The following VPS8 variants were observed in gnomAD, a reference collection of about 807,000 sequenced individuals.
VPS8 encodes the protein vacuolar protein sorting-associated protein 8 homolog.
In VPS8, 129 loss-of-function variants were observed where a neutral mutation model predicts 216.4. That is an observed-to-expected ratio of 0.60 (90% confidence interval 0.52 to 0.69). The LOEUF is 0.69. Among genes scored for constraint, VPS8 ranks in the 30% least tolerant of loss-of-function variants. VPS8 has a pLI of 0.00. For synonymous variants in VPS8, 571 were observed against 565.4 expected (o/e 1.01, Z -0.14); for missense variants, 1,531 against 1,683.5 (o/e 0.91, Z 1.59).
intron 46 of VPS8, among the ~76,000 whole-genome samples, chr3:185,028,621 G>T (rs1757705721): frequency 6.6e-6 from 1 of 152,202 alleles, no homozygotes; most frequent in South Asian, 2.1e-4. Context: ...TGTTAATGGA[G>T]TAAAGAGATT....
chr3:184,937,320 C>G (rs992088921), intron 35 of VPS8, among the ~76,000 whole-genome samples: 1 of 152,086 alleles, frequency 6.6e-6, no homozygotes, highest in East Asian at 1.9e-4. Flanking sequence ...CACCCAGAGT[C>G]CTCAAGTGAC....
intron 24 of VPS8, 31 bp downstream of exon 24, chr3:184,898,685 T>A: frequency 6.8e-7 from 1 of 1,474,298 alleles, no homozygotes; most frequent in Non-Finnish European, 9.1e-7. Flanking sequence ...GATACGTAAT[T>A]AATTTTGTCT....
At chr3:185,016,889 A>G (rs891579010) in intron 45 of VPS8, among the ~76,000 whole-genome samples, 6 of 152,124 alleles carry the variant, frequency 3.9e-5, no homozygotes, top group Non-Finnish European at 5.9e-5. Context: ...TCTGTTAACC[A>G]TTTTAAAGGT....
rs1491120220 is a variant in VPS8 at position 184,902,121 on chromosome 3, CCT to C, written c.2146+1150_2146+1151del. On this transcript the variant is annotated intron_variant, in intron 25 of 47. Transcript: ENST00000625842. Reference sequence around the variant, plus strand: ...TTGTTTAAATATTTAGCCCCCCCCCCCTTTTTTTTTTTTAATTGGTGGAGATG... The same window carrying C: ...TTGTTTAAATATTTAGCCCCCCCCCCTTTTTTTTTTTAATTGGTGGAGATG... Among the ~76,000 whole-genome samples the C allele has an allele frequency of 6.5e-4, 96 of 148,644 alleles. 1 individual carries two copies. The highest frequency in any genetic ancestry group is 2.1e-3 in the African/African-American group (86 of 40,452).
In VPS8 at chr3:184,901,712, A is replaced by G. The variant is rs1298270818; in HGVS notation, c.2146+740A>G. Among the ~76,000 whole-genome samples the G allele has an allele frequency of 2.0e-5, 3 of 152,270 alleles. 1 individual carries two copies. The highest frequency in any genetic ancestry group is 4.1e-4 in the South Asian group (2 of 4,822). ...GATATAGAAAACTTTCATTACCTCA[A>G]GTATCTCACCTTGTTCTCTTACCCT... On this transcript the variant is annotated intron_variant, in intron 25 of 47. Transcript: ENST00000625842.
intron 45 of VPS8, among the ~76,000 whole-genome samples, chr3:185,016,480 G>A (rs568320219): frequency 1.2e-4 from 19 of 152,328 alleles, no homozygotes; most frequent in Middle Eastern, 3.4e-3. Flanking sequence ...TGTTTAACAT[G>A]CCTTGTAGCA....
intron 46 of VPS8, among the ~76,000 whole-genome samples, chr3:185,027,998 TAAC>T (rs1757626836): frequency 1.3e-5 from 2 of 152,246 alleles, no homozygotes; most frequent in African/African-American, 4.8e-5. Flanking sequence ...CCATGGCGGT[TAAC>T]AAGTCATTTC....
At chr3:184,999,913 A>G in intron 45 of VPS8, 52 bp downstream of exon 45, 6 of 1,543,610 alleles carry the variant, frequency 3.9e-6, no homozygotes, top group South Asian at 1.3e-5. Flanking sequence ...TACCAATGTC[A>G]TTTGGGCCTG....
chr3:184,876,161 T>A (rs947609930), intron 21 of VPS8, among the ~76,000 whole-genome samples: 4 of 152,138 alleles, frequency 2.6e-5, no homozygotes, highest in Admixed American at 6.5e-5. Flanking sequence ...TTCCCTGATA[T>A]CATGCATTCC....
intron 25 of VPS8, among the ~76,000 whole-genome samples, chr3:184,910,358 C>T (rs1268093628): frequency 6.6e-6 from 1 of 152,138 alleles, no homozygotes; most frequent in African/African-American, 2.4e-5. Flanking sequence ...TCCAGCTCTG[C>T]TGTGCTTGCC....
At chr3:184,844,136 A>T (rs902425198) in intron 8 of VPS8, among the ~76,000 whole-genome samples, 9 of 152,176 alleles carry the variant, frequency 5.9e-5, no homozygotes, top group African/African-American at 1.9e-4. Flanking sequence ...AAAGGATAAG[A>T]AAAGGCTGGA....
At chr3:184,991,009 G>C (rs1158690864) in intron 42 of VPS8, among the ~76,000 whole-genome samples, 2 of 151,466 alleles carry the variant, frequency 1.3e-5, no homozygotes, top group African/African-American at 4.9e-5. Context: ...TATCTTTGCT[G>C]TATGGCTGAA....
chr3:184,914,995 G>T lies in VPS8; in HGVS notation c.2204G>T (p.Gly735Val), dbSNP rs1462991257. Residue 735 changes from glycine to valine, a missense_variant, in exon 27 of 48, where the codon GGT becomes GTT. By Grantham distance (109) the Gly-to-Val change is moderately radical. Around this residue, in one of 3 missense-constraint regions of VPS8, gnomAD observed 1,318 missense variants for 1,468.4 expected, o/e 0.90. Coordinates refer to ENST00000625842, the MANE Select transcript of VPS8 (RefSeq NM_001009921.3). ...LLVYISCCLA[G>V]RAYPLGDIPE... ...TTTTCTTCTAGCTGTTGTCTAGCAG[G>T]TCGTGCCTATCCCCTTGGTGACATC... 2 of 1,613,970 alleles carry T rather than the reference G, an allele frequency of 1.2e-6. No individual in the cohort carries two copies. The highest frequency in any genetic ancestry group is 3.3e-5 in the Admixed American group (2 of 60,020).
chr3:185,052,114 C>T lies in VPS8; in HGVS notation c.*89C>T. 2 of 1,416,022 alleles carry T rather than the reference C, an allele frequency of 1.4e-6. No individual in the cohort carries two copies. The highest frequency in any genetic ancestry group is 1.4e-5 in the South Asian group (1 of 69,298). 87.7% of individuals were successfully genotyped at this position (1,416,022 alleles called of 1,614,324 possible). On this transcript the variant is annotated 3_prime_UTR_variant, in exon 48 of 48. Transcript: ENST00000625842. ...CGCCTCTGGTGGGCTTGGCCTCCAC[C>T]ACCTCCCACGCTTCTGAGAAGAGGT...
chr3:184,977,772 TGTG>T (rs1749529773), intron 40 of VPS8, among the ~76,000 whole-genome samples: 1 of 150,872 alleles, frequency 6.6e-6, no homozygotes, highest in African/African-American at 2.4e-5. Flanking sequence ...CTCAGATGGT[TGTG>T]GGTGTGGGTC....
chr3:185,016,129 T>C (rs1251511904), intron 45 of VPS8, among the ~76,000 whole-genome samples: 1 of 152,212 alleles, frequency 6.6e-6, no homozygotes, highest in East Asian at 1.9e-4. Context: ...TAGGAATGCC[T>C]AGAGCAGGTC....
At chr3:185,037,065 CT>C (rs147431217) in intron 46 of VPS8, among the ~76,000 whole-genome samples, 251 of 143,046 alleles carry the variant, frequency 1.8e-3, no homozygotes, top group Middle Eastern at 3.6e-3. Flanking sequence ...TTTGCAGTTC[CT>C]TTTTTTTTTT....
Position 184,983,068 on chromosome 3 carries a change from C to T in VPS8, c.3559C>T (p.Pro1187Ser). ...TAGCATGGCAGCATTTATTGCCCTT[C>T]CATCAATCTTGCAAAGAATCTTACA... ...LNSMAAFIALPSILQRILQDP... is the reference protein window; with the variant it reads ...LNSMAAFIALSSILQRILQDP... The change falls in exon 42 of 48, where the codon CCA (proline) becomes TCA (serine). Residue 1187 changes from proline to serine, a missense_variant. Physicochemically the swap from Pro to Ser is moderately conservative, Grantham distance 74. Transcript: ENST00000625842. 1 of 1,609,050 alleles carries T rather than the reference C, an allele frequency of 6.2e-7. No individual in the cohort carries two copies. The highest frequency in any genetic ancestry group is 8.5e-7 in the Non-Finnish European group (1 of 1,177,230).
At chr3:184,824,939 T>C in intron 2 of VPS8, 154 bp downstream of exon 2, 3 of 698,728 alleles carry the variant, frequency 4.3e-6, no homozygotes, top group Non-Finnish European at 7.1e-6. Context: ...AGGGTCTCAC[T>C]CTGTTGTCCA....
Sources: allele counts gnomAD v4.1 joint callset (sites outside exome capture counted in the v4.1 genomes callset), GRCh38; gene constraint gnomAD v4.1.1; regional missense constraint gnomAD v4.1.1; transcripts MANE v1.5; gene names NCBI Gene and HGNC (gene_info 2026-07-23, HGNC 2026-07-21).